PLBD2: variants seen among roughly 807,000 people sequenced by gnomAD.
The protein encoded by PLBD2 is phospholipase B domain containing 2.
A neutral mutation model predicts 68.3 loss-of-function variants in PLBD2; 51 were observed. The observed-to-expected ratio is 0.75, with a 90% CI of 0.60 to 0.94. PLBD2 has a LOEUF of 0.94. PLBD2 is among the 40% of genes least tolerant of loss of function. PLBD2 has a pLI of 0.00. For synonymous variants in PLBD2, 314 were observed against 339.3 expected, an observed-to-expected ratio of 0.93 and a Z score of 0.82; for missense variants, 729 against 792.2, an observed-to-expected ratio of 0.92 and a Z score of 0.96.
rs367728143 is a variant in PLBD2 at position 113,361,180 on chromosome 12, C to A, written c.290+2290C>A. On this transcript the variant is annotated intron_variant, in intron 1 of 11. Coordinates refer to ENST00000280800, the MANE Select transcript of PLBD2 (RefSeq NM_173542.4). ...TGTGTCTTATTTCGGAGGGTGGGGG[C>A]AGGGATTTGATGCCTCTGTTCACTC... Among the ~76,000 whole-genome samples the A allele has an allele frequency of 1.8e-3, 271 of 152,036 alleles. 3 individuals carry two copies. In the Middle Eastern group the frequency reaches 0.037, roughly 21 times the overall value.
chr12:113,360,989 C>G (rs553644063), intron 1 of PLBD2, among the ~76,000 whole-genome samples: 1 of 152,180 alleles, frequency 6.6e-6, no homozygotes, highest in Admixed American at 6.6e-5. Flanking sequence ...AGTTTGCCAG[C>G]CCTTGAGGCT....
chr12:113,368,400 G>A, intron 1 of PLBD2, among the ~76,000 whole-genome samples: 1 of 152,238 alleles, frequency 6.6e-6, no homozygotes, highest in East Asian at 1.9e-4. Context: ...TACAGACCTG[G>A]TGTGCTTGTG....
chr12:113,381,427 G>A (rs1473002743), intron 6 of PLBD2, among the ~76,000 whole-genome samples: 1 of 152,088 alleles, frequency 6.6e-6, no homozygotes. Flanking sequence ...CGCTGAGAAA[G>A]TGAACCCTTT....
chr12:113,375,181 T>G (rs1957429356), intron 5 of PLBD2, 174 bp downstream of exon 5: 1 of 640,058 alleles, frequency 1.6e-6, no homozygotes, highest in Non-Finnish European at 2.7e-6. Flanking sequence ...GGTCTTGCTC[T>G]GTTGCCCAGG....
At chr12:113,371,859 A>G (rs1196907819) in intron 2 of PLBD2, among the ~76,000 whole-genome samples, 1 of 152,104 alleles carries the variant, frequency 6.6e-6, no homozygotes, top group Non-Finnish European at 1.5e-5. Context: ...GCTCCTAACT[A>G]GTGTGCCCTG....
chr12:113,385,111 C>T (rs1011013610), intron 8 of PLBD2, 101 bp from the exon 9 acceptor site: 7 of 1,387,726 alleles, frequency 5.0e-6, no homozygotes, highest in Non-Finnish European at 7.0e-6. Flanking sequence ...CTTAATCCAT[C>T]CTCCAGGCAA....
intron 1 of PLBD2, chr12:113,359,574 A>G (rs991231085): frequency 6.6e-6 from 1 of 152,236 alleles, no homozygotes; most frequent in Non-Finnish European, 1.5e-5. Context: ...GCTGGAACCC[A>G]GGCTGTCATT....
Position 113,388,774 on chromosome 12 carries a change from C to T in PLBD2, c.*148C>T. The T allele has an allele frequency of 1.2e-6, 1 of 864,998 alleles. No individual in the cohort carries two copies. The highest frequency in any genetic ancestry group is 2.1e-5 in the South Asian group (1 of 47,932). 53.6% of individuals were successfully genotyped at this position (864,998 alleles called of 1,614,324 possible). A position where few individuals can be genotyped will look rare whatever the true frequency, so the allele number is the denominator to read the frequency against. Reference sequence around the variant, plus strand: ...TGAGTCATCTCCTCCTAGAGTGGGTCACGAACCTGATGGGGCTCAGAACTG... The same window carrying T: ...TGAGTCATCTCCTCCTAGAGTGGGTTACGAACCTGATGGGGCTCAGAACTG... On this transcript the variant is annotated 3_prime_UTR_variant, in exon 12 of 12. Coordinates refer to ENST00000280800, the MANE Select transcript of PLBD2 (RefSeq NM_173542.4).
At chr12:113,379,034 C>T (rs897691057) in intron 5 of PLBD2, among the ~76,000 whole-genome samples, 1 of 152,004 alleles carries the variant, frequency 6.6e-6, no homozygotes, top group Non-Finnish European at 1.5e-5. Flanking sequence ...TCAGGCCAGA[C>T]GCGGTGGCTC....
intron 1 of PLBD2, among the ~76,000 whole-genome samples, chr12:113,360,775 C>T (rs986626192): frequency 5.3e-5 from 8 of 152,230 alleles, no homozygotes; most frequent in Non-Finnish European, 1.0e-4. Flanking sequence ...CGTGTCTCAG[C>T]CTCCCAAGTA....
In PLBD2 at chr12:113,391,186, C is replaced by T. The variant is rs1307674411; in HGVS notation, c.*2560C>T. 2 of 152,136 alleles carry T rather than the reference C, an allele frequency of 1.3e-5. No individual in the cohort carries two copies. Among genetic ancestry groups the T allele is most frequent in the African/African-American group, 2.4e-5 (1 of 41,426 alleles). 9.4% of individuals were successfully genotyped at this position (152,136 alleles called of 1,614,324 possible). A position where few individuals can be genotyped will look rare whatever the true frequency, so the allele number is the denominator to read the frequency against. The stretch of plus-strand genomic sequence containing the variant: ...CTCTCCCTGTCTGATCTCATGCAGC[C>T]TGCCTTGGAGACAAGACTCTCCCAG... On this transcript the variant is annotated 3_prime_UTR_variant, in exon 12 of 12. Coordinates refer to ENST00000280800, the MANE Select transcript of PLBD2 (RefSeq NM_173542.4).
intron 6 of PLBD2, among the ~76,000 whole-genome samples, chr12:113,383,293 C>T (rs61930461): frequency 0.041 from 6,221 of 152,132 alleles, 190 homozygotes; most frequent in Non-Finnish European, 0.062. Context: ...TGGGAGGTTG[C>T]CCAGCTTGGT....
rs1324385052 is a variant in PLBD2 at position 113,361,336 on chromosome 12, T to TG, written c.290+2446_290+2447insG. On this transcript the variant is annotated intron_variant, in intron 1 of 11. Transcript: ENST00000280800. Reference sequence around the variant, plus strand: ...TTATTTTTTAAAAAAGGTTTTTTTTTTTTTGTTTTTTTTTTTTTTTTGAGA... The same window carrying TG: ...TTATTTTTTAAAAAAGGTTTTTTTTTGTTTTGTTTTTTTTTTTTTTTTGAGA... 9.8e-4 allele frequency among the ~76,000 whole-genome samples: 145 copies of TG among 148,600 alleles called. 1 individual carries two copies. The highest frequency in any genetic ancestry group is 3.3e-3 in the African/African-American group (134 of 40,270).
At chr12:113,368,398 TG>T (rs1957360126) in intron 1 of PLBD2, among the ~76,000 whole-genome samples, 1 of 152,192 alleles carries the variant, frequency 6.6e-6, no homozygotes, top group African/African-American at 2.4e-5. Flanking sequence ...TCTACAGACC[TG>T]GTGTGCTTGT....
At chr12:113,362,428 G>A (rs1957304009) in intron 1 of PLBD2, among the ~76,000 whole-genome samples, 1 of 152,042 alleles carries the variant, frequency 6.6e-6, no homozygotes, top group Admixed American at 6.6e-5. Flanking sequence ...CTGCGGAAGT[G>A]GGGTGCTGAT....
At chr12:113,380,468 G>A (rs1957477173) in intron 5 of PLBD2, among the ~76,000 whole-genome samples, 1 of 152,164 alleles carries the variant, frequency 6.6e-6, no homozygotes, top group South Asian at 2.1e-4. Flanking sequence ...TTTTTTCCTA[G>A]TATTTTTGGT....
intron 1 of PLBD2, among the ~76,000 whole-genome samples, chr12:113,366,856 C>G (rs1412212291): frequency 6.7e-6 from 1 of 150,124 alleles, no homozygotes; most frequent in African/African-American, 2.4e-5. Flanking sequence ...GAGTCATGCT[C>G]TGTCACCCAG....
chr12:113,380,551 C>G (rs1427006109), intron 5 of PLBD2, among the ~76,000 whole-genome samples, 194 bp from the exon 6 acceptor site: 3 of 152,228 alleles, frequency 2.0e-5, no homozygotes, highest in African/African-American at 7.2e-5. Flanking sequence ...TTGCTGCTAG[C>G]TTTTATTTTT....
At chr12:113,373,656 C>T (rs1482089256) in intron 3 of PLBD2, among the ~76,000 whole-genome samples, 1 of 151,804 alleles carries the variant, frequency 6.6e-6, no homozygotes, top group Non-Finnish European at 1.5e-5. Context: ...ACTCACTCAT[C>T]CATCCGTTCA....
Sources: allele counts gnomAD v4.1 joint callset (sites outside exome capture counted in the v4.1 genomes callset), GRCh38; gene constraint gnomAD v4.1.1; transcripts MANE v1.5; gene names NCBI Gene and HGNC (gene_info 2026-07-23, HGNC 2026-07-21).